Variants in F8 observed in about 807,000 individuals in gnomAD.
F8 encodes the protein antihemophilic factor.
Under a neutral mutation model 140.6 loss-of-function variants are expected in F8, and 12 were observed. That is an observed-to-expected ratio of 0.09 (90% CI 0.05 to 0.14). The LOEUF (loss-of-function observed/expected upper bound fraction) is 0.14. F8 is among the 10% of genes least tolerant of loss of function. The pLI, the probability that F8 is intolerant of heterozygous loss-of-function variation, is 1.00. For missense variants in F8, 1,354 were observed against 1,720.7 expected (o/e 0.79, Z 3.77); for synonymous variants, 585 against 614.6 (o/e 0.95, Z 0.71).
intron 13 of F8, among the ~76,000 whole-genome samples, chrX:154,933,743 G>A (rs782721698): frequency 1.8e-5 from 2 of 112,152 alleles, no homozygotes; most frequent in East Asian, 5.6e-4. Context: ...GGAAAAGTAA[G>A]AACAAATATC....
chrX:154,944,540 G>A (rs1557280135), intron 13 of F8, among the ~76,000 whole-genome samples: 1 of 111,114 alleles, frequency 9.0e-6, no homozygotes, highest in Non-Finnish European at 1.9e-5. Context: ...GAGAGGATGT[G>A]GAGAAATAGG....
intron 21 of F8, among the ~76,000 whole-genome samples, chrX:154,899,315 C>T (rs1454379517): frequency 8.9e-6 from 1 of 112,238 alleles, no homozygotes; most frequent in African/African-American, 3.2e-5. Flanking sequence ...CCAAGCTGCC[C>T]TCAGCTTTTG....
chrX:154,845,483 C>G (rs1459000383), intron 25 of F8, among the ~76,000 whole-genome samples: 6 of 107,051 alleles, frequency 5.6e-5, no homozygotes, highest in African/African-American at 1.0e-4. Flanking sequence ...TGTTATTGGT[C>G]TATTCAGGGA....
intron 7 of F8, among the ~76,000 whole-genome samples, chrX:154,968,072 T>C (rs1557282196): frequency 8.9e-6 from 1 of 112,003 alleles, no homozygotes. Flanking sequence ...GACATTTTTC[T>C]CCAATAACTC....
intron 21 of F8, 142 bp downstream of exon 21, chrX:154,899,724 A>G (rs1557275810): frequency 1.4e-5 from 8 of 557,746 alleles, no homozygotes; most frequent in Non-Finnish European, 1.8e-5. Context: ...CTCTTTGTTC[A>G]TGACTGCTTT....
Position 154,929,811 on chromosome X carries a change from T to C in F8, c.3979A>G (p.Thr1327Ala). ...TTCAAAGCTCTCTTACTACGTTGCG[T>C]GACAAAATTCTGCTGGCTTGTATTA... ...SPNTSQQNFVTQRSKRALKQF... is the reference protein window; with the variant it reads ...SPNTSQQNFVAQRSKRALKQF... The change falls in exon 14 of 26, where the codon ACG becomes GCG. Residue 1327 changes from threonine to alanine, a missense_variant. By Grantham distance (58) the Thr-to-Ala change is moderately conservative (BLOSUM62 0). Coordinates refer to ENST00000360256, the MANE Select transcript of F8 (RefSeq NM_000132.4). 8.3e-7 allele frequency: 1 copy of C among 1,212,073 alleles called. No homozygotes were observed. The highest frequency in any genetic ancestry group is 1.1e-6 in the Non-Finnish European group (1 of 895,519).
intron 9 of F8, among the ~76,000 whole-genome samples, chrX:154,962,194 G>T (rs1233365382): frequency 9.0e-6 from 1 of 111,520 alleles, no homozygotes; most frequent in African/African-American, 3.3e-5. Context: ...GCTTCCATTT[G>T]CTGCCAGAGG....
chrX:154,894,325 T>C (rs1218671763), intron 22 of F8, among the ~76,000 whole-genome samples: 3 of 82,899 alleles, frequency 3.6e-5, no homozygotes, highest in African/African-American at 1.3e-4. Flanking sequence ...ACACTTTTTG[T>C]CAACAAAAGT....
chrX:154,946,954 G>A (rs955765950), intron 13 of F8, among the ~76,000 whole-genome samples: 2 of 110,918 alleles, frequency 1.8e-5, no homozygotes, highest in Admixed American at 9.5e-5. Context: ...GGCTGGGCAC[G>A]GTGGCTCACG....
intron 14 of F8, among the ~76,000 whole-genome samples, chrX:154,913,369 G>A (rs1165538582): frequency 9.0e-6 from 1 of 111,055 alleles, no homozygotes; most frequent in Admixed American, 9.5e-5. Flanking sequence ...TCCACCCATG[G>A]CCCCTCCCAA....
chrX:154,919,749 C>T, intron 14 of F8: 1 of 322,129 alleles, frequency 3.1e-6, no homozygotes, highest in Middle Eastern at 8.2e-4. Context: ...GGCCCATGGC[C>T]TCACAATATT....
intron 13 of F8, among the ~76,000 whole-genome samples, chrX:154,934,489 C>T (rs1416499685): frequency 1.8e-5 from 2 of 111,528 alleles, no homozygotes; most frequent in African/African-American, 3.3e-5. Flanking sequence ...AAGCTAGCAT[C>T]GGTGGTTTTA....
At position 154,969,333 on chromosome X, in the gene F8, T is replaced by C; in HGVS notation, c.1007A>G (p.His336Arg). 1 of 1,199,258 alleles carries C rather than the reference T, an allele frequency of 8.3e-7. No homozygotes were observed. Among genetic ancestry groups the C allele is most frequent in the Non-Finnish European group, 1.1e-6 (1 of 884,148 alleles). ...ATTTTAAAGATCCAAGATATTACCA[T>C]GTTGGTGGGAAGAGATATGACAAAA... Reference protein sequence around the residue: ...LLFCHISSHQHDGMEAYVKVD... With the variant: ...LLFCHISSHQRDGMEAYVKVD... The change falls in exon 7 of 26, where the codon CAT becomes CGT. Residue 336 changes from histidine (H) to arginine (R), a missense_variant and splice_region_variant. His to Arg is a conservative substitution (Grantham distance 29). Coordinates refer to ENST00000360256, the MANE Select transcript of F8 (RefSeq NM_000132.4).
At chrX:154,922,254 C>G (rs1027744972) in intron 14 of F8, among the ~76,000 whole-genome samples, 1 of 112,203 alleles carries the variant, frequency 8.9e-6, no homozygotes, top group Non-Finnish European at 1.9e-5. Flanking sequence ...GGTATCTCTG[C>G]CTCCACTCTT....
intron 25 of F8, among the ~76,000 whole-genome samples, chrX:154,852,367 C>T (rs2072622897): frequency 1.8e-5 from 2 of 112,017 alleles, no homozygotes; most frequent in Non-Finnish European, 3.8e-5. Context: ...CCACCACATC[C>T]AGCCTTGAGT....
At chrX:154,862,984 G>A in intron 23 of F8, 99 bp downstream of exon 23, 1 of 984,959 alleles carries the variant, frequency 1.0e-6, no homozygotes, top group Non-Finnish European at 1.4e-6. Context: ...TTTGTGTCCT[G>A]ATACCGGGAA....
chrX:154,923,317 A>G (rs2073141801), intron 14 of F8, among the ~76,000 whole-genome samples: 1 of 111,760 alleles, frequency 8.9e-6, no homozygotes, highest in Admixed American at 9.5e-5. Context: ...AATTATCTTC[A>G]TCGTTCCATT....
rs181430340 is a variant in F8 at position 154,985,711 on chromosome X, T to C, written c.671-908A>G. Among the ~76,000 whole-genome samples the C allele has an allele frequency of 8.9e-5, 10 of 112,414 alleles. No homozygotes were observed. The East Asian group carries it at 2.8e-3, about 31-fold the overall frequency. On this transcript the variant is annotated intron_variant, in intron 5 of 25. Transcript: ENST00000360256. Reference sequence around the variant, plus strand: ...ATTTGTTCATTCATTCAAACACATATTTATTGAGCACTACTAATTGTAGAC... The same window carrying C: ...ATTTGTTCATTCATTCAAACACATACTTATTGAGCACTACTAATTGTAGAC...
chrX:154,895,797 C>T (rs1312733477), intron 22 of F8, among the ~76,000 whole-genome samples: 1 of 111,341 alleles, frequency 9.0e-6, no homozygotes, highest in Admixed American at 9.6e-5. Context: ...CTACTATAAC[C>T]TCAAACCTAG....
Sources: gnomAD v4.1 joint callset for allele counts (sites outside exome capture counted in the v4.1 genomes callset) on GRCh38, gnomAD v4.1.1 for gene constraint, MANE v1.5 for transcripts, NCBI Gene and HGNC (gene_info 2026-07-23, HGNC 2026-07-21) for gene names.